Variants in ITGAM observed in about 807,000 individuals in gnomAD.
ITGAM encodes the protein integrin subunit alpha M.
Under a neutral mutation model 137.5 loss-of-function variants are expected in ITGAM, and 79 were observed. The observed-to-expected ratio is 0.57, with a 90% CI of 0.48 to 0.69. ITGAM has a LOEUF of 0.69. ITGAM is among the 30% of genes least tolerant of loss of function. The pLI is 0.00. For synonymous variants in ITGAM, 583 were observed against 592.3 expected (o/e 0.98, Z 0.23); for missense variants, 1,343 against 1,483.5 (o/e 0.91, Z 1.56).
intron 5 of ITGAM, 47 bp downstream of exon 5, chr16:31,266,194 G>T: frequency 1.5e-6 from 2 of 1,354,424 alleles, no homozygotes; most frequent in Non-Finnish European, 1.1e-6. Flanking sequence ...AAAAGACCAG[G>T]GGAGGGGGCA....
intron 14 of ITGAM, among the ~76,000 whole-genome samples, chr16:31,299,769 TCCTCCTCCTCCTCCGCCTCCC>T (rs1413828798): frequency 7.8e-6 from 1 of 127,756 alleles, no homozygotes; most frequent in Non-Finnish European, 1.6e-5. Flanking sequence ...CTCCTCTTCC[TCCTCCTCCTCCTCCGCCTCCC>T]CCTCCTCCTC....
At chr16:31,272,267 T>C (rs952599095) in intron 7 of ITGAM, among the ~76,000 whole-genome samples, 4 of 150,438 alleles carry the variant, frequency 2.7e-5, no homozygotes, top group African/African-American at 7.3e-5. Flanking sequence ...TGGTGAGATA[T>C]CGCCATGTCT....
At chr16:31,304,526 C>T (rs1401627629) in intron 14 of ITGAM, among the ~76,000 whole-genome samples, 2 of 152,080 alleles carry the variant, frequency 1.3e-5, no homozygotes, top group Non-Finnish European at 2.9e-5. Context: ...GTCATGAATT[C>T]TTTGCCTAGG....
chr16:31,293,406 TGA>T (rs1288484822), intron 12 of ITGAM, among the ~76,000 whole-genome samples: 1 of 152,198 alleles, frequency 6.6e-6, no homozygotes, highest in Non-Finnish European at 1.5e-5. Context: ...TAGTCTATCT[TGA>T]GTTGATTTTT....
Position 31,278,340 on chromosome 16 carries a change from C to T in ITGAM, c.1356+231C>T, listed in dbSNP as rs541958788. 2.8e-4 allele frequency among the ~76,000 whole-genome samples: 43 copies of T among 152,238 alleles called. No individual in the cohort carries two copies. The South Asian group carries it at 6.0e-3, about 21-fold the overall frequency. ...TGTACAGAGCTCTCTATGGGTCTTT[C>T]TGTACTCAGGGCTGGTATTCAACCC... On this transcript the variant is annotated intron_variant, in intron 12 of 29. Coordinates refer to ENST00000544665, the MANE Select transcript of ITGAM (RefSeq NM_000632.4).
chr16:31,328,574 GGTGT>G (rs377654625), intron 23 of ITGAM, among the ~76,000 whole-genome samples: 18 of 143,298 alleles, frequency 1.3e-4, no homozygotes, highest in Admixed American at 6.9e-4. Flanking sequence ...CTTGTGCATG[GGTGT>G]GTATTTGTGC....
intron 22 of ITGAM, among the ~76,000 whole-genome samples, chr16:31,327,619 TAAA>T (rs921740818): frequency 1.3e-5 from 2 of 149,418 alleles, no homozygotes; most frequent in African/African-American, 5.0e-5. Context: ...ATAATAATAA[TAAA>T]AAATAAAAGG....
At chr16:31,260,545 A>G (rs921464801) in intron 1 of ITGAM, among the ~76,000 whole-genome samples, 1 of 152,244 alleles carries the variant, frequency 6.6e-6, no homozygotes, top group Admixed American at 6.5e-5. Flanking sequence ...TTTTATGCTT[A>G]TATGTTGTGG....
rs200398363 is a variant in ITGAM at position 31,297,571 on chromosome 16, A to G, written c.1414A>G (p.Thr472Ala). 6.1e-5 allele frequency: 99 copies of G among 1,612,300 alleles called. No individual in the cohort carries two copies. In the African/African-American group the frequency reaches 1.1e-3, roughly 19 times the overall value. The part of the protein sequence containing the change: ...CSVDVDSNGS[T>A]DLVLIGAPHY... ...CGTGGACGTGGACAGCAACGGCAGC[A>G]CCGACCTGGTCCTCATCGGGGCCCC... Residue 472 changes from threonine to alanine, a missense_variant, in exon 13 of 30, where the codon ACC becomes GCC. Coordinates refer to ENST00000544665, the MANE Select transcript of ITGAM (RefSeq NM_000632.4).
chr16:31,316,858 G>C (rs1470197666), intron 14 of ITGAM, among the ~76,000 whole-genome samples: 1 of 151,934 alleles, frequency 6.6e-6, no homozygotes, highest in Admixed American at 6.6e-5. Context: ...TTTATTTTTT[G>C]ATGCCATTGT....
At chr16:31,312,176 C>G (rs1460707494) in intron 14 of ITGAM, among the ~76,000 whole-genome samples, 3 of 149,358 alleles carry the variant, frequency 2.0e-5, no homozygotes, top group Non-Finnish European at 3.0e-5. Context: ...AGGAGATATA[C>G]CTAATGCTAA....
At chr16:31,273,297 TAA>T (rs201225943) in intron 7 of ITGAM, 66 bp from the exon 8 acceptor site, 764 of 1,208,764 alleles carry the variant, frequency 6.3e-4, no homozygotes, top group South Asian at 6.7e-4. Flanking sequence ...GTCTATTTCT[TAA>T]AAAAAAAAAA....
chr16:31,274,610 A>T (rs1355559154), intron 8 of ITGAM, among the ~76,000 whole-genome samples: 1 of 148,924 alleles, frequency 6.7e-6, no homozygotes, highest in Non-Finnish European at 1.5e-5. Flanking sequence ...TTATTTATTT[A>T]TATTTATTTA....
chr16:31,282,288 C>T (rs2079978210), intron 12 of ITGAM, among the ~76,000 whole-genome samples: 1 of 152,096 alleles, frequency 6.6e-6, no homozygotes, highest in Non-Finnish European at 1.5e-5. Flanking sequence ...AACTTTCTGT[C>T]TCGTTGATCT....
chr16:31,272,422 ACTATAT>A (rs1393260309), intron 7 of ITGAM, among the ~76,000 whole-genome samples: 592 of 48,892 alleles, frequency 0.012, 39 homozygotes, highest in African/African-American at 0.04. Context: ...AGGCCAATTA[ACTATAT>A]ATATATATAT....
intron 14 of ITGAM, among the ~76,000 whole-genome samples, chr16:31,319,889 T>C (rs113236107): frequency 6.6e-6 from 1 of 151,956 alleles, no homozygotes; most frequent in African/African-American, 2.4e-5. Context: ...CTCGGCTCAC[T>C]GCAAGCTCCG....
At chr16:31,306,584 G>T (rs1275113967) in intron 14 of ITGAM, among the ~76,000 whole-genome samples, 1 of 151,412 alleles carries the variant, frequency 6.6e-6, no homozygotes, top group Non-Finnish European at 1.5e-5. Flanking sequence ...CATGATCTTG[G>T]CTTACTGCAA....
At chr16:31,317,413 G>C (rs1429695117) in intron 14 of ITGAM, among the ~76,000 whole-genome samples, 1 of 152,106 alleles carries the variant, frequency 6.6e-6, no homozygotes. Context: ...AGGTGTTTAG[G>C]TCATGAGAGT....
chr16:31,277,557 C>A (rs1361153617), intron 11 of ITGAM, among the ~76,000 whole-genome samples: 1 of 152,094 alleles, frequency 6.6e-6, no homozygotes, highest in African/African-American at 2.4e-5. Context: ...GGGATTTCTC[C>A]ATGTCGGTCA....
Sources: gnomAD v4.1 joint callset for allele counts (sites outside exome capture counted in the v4.1 genomes callset) on GRCh38, gnomAD v4.1.1 for gene constraint, MANE v1.5 for transcripts, NCBI Gene and HGNC (gene_info 2026-07-23, HGNC 2026-07-21) for gene names.